KCNA3: variants seen among roughly 807,000 people sequenced by gnomAD.
KCNA3 encodes the protein RP11-284N8.3.
A neutral mutation model predicts 34.3 loss-of-function variants in KCNA3; 18 were observed. That is an observed-to-expected ratio of 0.52 (90% CI 0.36 to 0.78). The LOEUF is 0.78. Ranked by LOEUF, KCNA3 falls within the 30% of genes least tolerant of loss-of-function variation. The pLI, the probability that KCNA3 is intolerant of heterozygous loss-of-function variation, is 0.00. For missense variants in KCNA3, 587 were observed against 802.5 expected, an observed-to-expected ratio of 0.73 and a Z score of 3.24; for synonymous variants, 324 against 351.7, an observed-to-expected ratio of 0.92 and a Z score of 0.88.
downstream of KCNA3, among the ~76,000 whole-genome samples, chr1:110,670,327 A>G (rs938008960): frequency 3.3e-5 from 5 of 152,214 alleles, no homozygotes; most frequent in African/African-American, 1.2e-4. Flanking sequence ...AAGCAATCAT[A>G]TTACCTCAAA....
chr1:110,657,336 C>T, the KCNA3 span, among the ~76,000 whole-genome samples: 1 of 152,186 alleles, frequency 6.6e-6, no homozygotes, highest in Non-Finnish European at 1.5e-5. Flanking sequence ...CATGAGCCAC[C>T]GCACCCGGCC....
rs1651929999 is a variant in KCNA3 at position 110,672,634 on chromosome 1, T to G, written c.*448A>C. On this transcript the variant is annotated 3_prime_UTR_variant, in exon 1 of 1. Transcript: ENST00000369769. Reference sequence around the variant, plus strand: ...CTACAGGGTAGGCAACCGAAATACATATTCAATAAATAACGTTGAAAGGTC... The same window carrying G: ...CTACAGGGTAGGCAACCGAAATACAGATTCAATAAATAACGTTGAAAGGTC... 1 of 158,482 alleles carries G rather than the reference T, an allele frequency of 6.3e-6. No homozygotes were observed. Among genetic ancestry groups the G allele is most frequent in the Non-Finnish European group, 1.4e-5 (1 of 72,052 alleles). 9.8% of individuals were successfully genotyped at this position (158,482 alleles called of 1,614,324 possible).
Position 110,673,909 on chromosome 1 carries a change from G to A in KCNA3, c.901C>T (p.Leu301=). ...FSDPFFVVET[L]CIIWFSFELL... ...TCGAAGGAGAACCAGATGATGCACA[G>A]CGTCTCCACCACGAAGAAGGGATCG... is the stretch of plus-strand genomic sequence containing the variant. Residue 301 remains leucine, a synonymous_variant, in exon 1 of 1, where the codon CTG becomes TTG. Coordinates refer to ENST00000369769, the MANE Select transcript of KCNA3 (RefSeq NM_002232.5). This position sits in a 1 kb window ranked among gnomAD's most constrained non-coding sequence, Gnocchi z 8.8. 6.2e-7 allele frequency: 1 copy of A among 1,614,180 alleles called. No homozygotes were observed. The highest frequency in any genetic ancestry group is 8.5e-7 in the Non-Finnish European group (1 of 1,180,030).
Position 110,673,087 on chromosome 1 carries a change from C to A in KCNA3, c.1723G>T (p.Val575Phe). The A allele has an allele frequency of 6.2e-7, 1 of 1,607,268 alleles. No homozygotes were observed. The highest frequency in any genetic ancestry group is 8.5e-7 in the Non-Finnish European group (1 of 1,176,470). ...CVNIKKIFTD[V>F] is the part of the protein sequence containing the mutation. Reference sequence around the variant, plus strand: ...CATGTCACTTGTATCACATATTAAACATCGGTGAATATCTTTTTGATGTTG... The same window carrying A: ...CATGTCACTTGTATCACATATTAAAAATCGGTGAATATCTTTTTGATGTTG... Residue 575 changes from valine (V) to phenylalanine (F), a missense_variant, in exon 1 of 1, where the codon GTT (valine) becomes TTT (phenylalanine). Around this residue, in one of 7 missense-constraint regions of KCNA3, gnomAD observed 95 missense variants for 107.3 expected, o/e 0.89. Coordinates refer to ENST00000369769, the MANE Select transcript of KCNA3 (RefSeq NM_002232.5). This position sits in a 1 kb window ranked among gnomAD's most constrained non-coding sequence, Gnocchi z 8.8.
chr1:110,669,650 C>T (rs1013707518), downstream of KCNA3, among the ~76,000 whole-genome samples: 3 of 152,084 alleles, frequency 2.0e-5, no homozygotes, highest in Non-Finnish European at 4.4e-5. Context: ...GGTTTCAGAG[C>T]CAGAATAACC....
At chr1:110,666,020 T>G in the KCNA3 span, among the ~76,000 whole-genome samples, 2 of 152,128 alleles carry the variant, frequency 1.3e-5, no homozygotes, top group Non-Finnish European at 2.9e-5. Flanking sequence ...CCCACTCTCA[T>G]GGAAGAAACA....
At chr1:110,654,305 G>A in the KCNA3 span, 1 of 152,004 alleles carries the variant, frequency 6.6e-6, no homozygotes, top group East Asian at 1.9e-4. Context: ...TAAAATAAAG[G>A]CAGTTTTTCT....
In KCNA3 at chr1:110,674,304, A is replaced by C; in HGVS notation, c.506T>G (p.Ile169Ser). 1 of 1,614,080 alleles carries C rather than the reference A, an allele frequency of 6.2e-7. No individual in the cohort carries two copies. Among genetic ancestry groups the C allele is most frequent in the Non-Finnish European group, 8.5e-7 (1 of 1,179,994 alleles). The change falls in exon 1 of 1, where the codon ATC becomes AGC. Residue 169 changes from isoleucine (I) to serine (S), a missense_variant. By Grantham distance (142) the Ile-to-Ser change is moderately radical. Around this residue, in one of 7 missense-constraint regions of KCNA3, gnomAD observed 341 missense variants for 355.4 expected, o/e 0.96. Transcript: ENST00000369769. The surrounding 1 kb of genome is among the most constrained non-coding windows in gnomAD (Gnocchi z 6.4). ...GATGGGCACGTTGACCGGCCGGCGG[A>C]TGCGGCCCCCGGACTGATAGTAGTA... is the stretch of plus-strand genomic sequence containing the variant. The part of the protein sequence containing the change: ...ILYYYQSGGR[I>S]RRPVNVPIDI...
chr1:110,665,451 C>A, the KCNA3 span, among the ~76,000 whole-genome samples: 1 of 152,116 alleles, frequency 6.6e-6, no homozygotes, highest in Non-Finnish European at 1.5e-5. Context: ...AAAATTGAAG[C>A]TGCCAGTAGT....
chr1:110,674,892 C>A lies in KCNA3; in HGVS notation c.-83G>T. On this transcript the variant is annotated 5_prime_UTR_variant, in exon 1 of 1. Coordinates refer to ENST00000369769, the MANE Select transcript of KCNA3 (RefSeq NM_002232.5). This position sits in a 1 kb window ranked among gnomAD's most constrained non-coding sequence, Gnocchi z 6.4. ...CCTTTCGCCGCCTCCGCCCCCGAGC[C>A]GAGCCCACCGCCTGTTGCAGCCAAA... The A allele has an allele frequency of 4.7e-6, 6 of 1,267,486 alleles. No individual in the cohort carries two copies. Among genetic ancestry groups the A allele is most frequent in the Non-Finnish European group, 5.9e-6 (6 of 1,009,084 alleles). 78.5% of individuals were successfully genotyped at this position (1,267,486 alleles called of 1,614,324 possible).
the KCNA3 span, among the ~76,000 whole-genome samples, chr1:110,659,360 C>T: frequency 6.6e-6 from 1 of 152,178 alleles, no homozygotes; most frequent in African/African-American, 2.4e-5. Flanking sequence ...TATATGCACG[C>T]ATTATGAAGC....
the KCNA3 span, among the ~76,000 whole-genome samples, chr1:110,661,989 T>C: frequency 2.0e-5 from 3 of 151,386 alleles, no homozygotes; most frequent in African/African-American, 4.8e-5. Context: ...GGCGGGCGCC[T>C]GTAGTCACAG....
At position 110,673,218 on chromosome 1, in the gene KCNA3, A is replaced by G. The variant is rs776785948; in HGVS notation, c.1592T>C (p.Val531Ala). Residue 531 changes from valine (V) to alanine (A), a missense_variant, in exon 1 of 1, where the codon GTG becomes GCG. Transcript: ENST00000369769. The surrounding 1 kb of genome is among the most constrained non-coding windows in gnomAD (Gnocchi z 8.8). ...NSTLSKSEYM[V>A]IEEGGMNHSA... is the part of the protein sequence containing the mutation. Reference sequence around the variant, plus strand: ...ATGGTTCATACCCCCCTCTTCGATCACCATATACTCCGACTTACTCAGAGT... The same window carrying G: ...ATGGTTCATACCCCCCTCTTCGATCGCCATATACTCCGACTTACTCAGAGT... 1.2e-6 allele frequency: 2 copies of G among 1,614,088 alleles called. No individual in the cohort carries two copies. The highest frequency in any genetic ancestry group is 4.5e-5 in the East Asian group (2 of 44,878).
the KCNA3 span, among the ~76,000 whole-genome samples, chr1:110,664,257 C>T: frequency 3.3e-5 from 5 of 152,182 alleles, no homozygotes; most frequent in African/African-American, 7.2e-5. Flanking sequence ...ATTAAAAGCA[C>T]TCTATCAGCT....
chr1:110,659,666 G>A, the KCNA3 span, among the ~76,000 whole-genome samples: 1 of 152,074 alleles, frequency 6.6e-6, no homozygotes, highest in Non-Finnish European at 1.5e-5. Context: ...AATAGAAAAT[G>A]TTCCATTCAT....
downstream of KCNA3, among the ~76,000 whole-genome samples, chr1:110,671,205 C>T (rs978150200): frequency 6.6e-6 from 1 of 152,044 alleles, no homozygotes; most frequent in Admixed American, 6.6e-5. Flanking sequence ...GTAAAAGGAA[C>T]GGAATAATTT....
chr1:110,657,121 A>G, the KCNA3 span: 1 of 143,658 alleles, frequency 7.0e-6, no homozygotes, highest in Non-Finnish European at 1.5e-5. Context: ...ATCTTGGCTC[A>G]CCGCAACCTC....
Position 110,673,438 on chromosome 1 carries a change from TG to T in KCNA3, c.1371del (p.Lys458ArgfsTer13), listed in dbSNP as rs1651960776. On this transcript the variant is annotated frameshift_variant, in exon 1 of 1. Coordinates refer to ENST00000369769, the MANE Select transcript of KCNA3 (RefSeq NM_002232.5). LOFTEE classifies it high-confidence loss of function. This position sits in a 1 kb window ranked among gnomAD's most constrained non-coding sequence, Gnocchi z 8.8. ...ATGGCACAGAGAGATCCCACAATCT[TG>T]CCCCCTATGGTCACTGGGTGCATAT... is the stretch of plus-strand genomic sequence containing the variant. ...YGDMHPVTIG[G>X]KIVGSLCAIA... 6.2e-7 allele frequency: 1 copy of T among 1,614,146 alleles called. No individual in the cohort carries two copies. Among genetic ancestry groups the T allele is most frequent in the Non-Finnish European group, 8.5e-7 (1 of 1,180,030 alleles).
the KCNA3 span, chr1:110,656,139 G>T: frequency 6.6e-6 from 1 of 152,082 alleles, no homozygotes; most frequent in Non-Finnish European, 1.5e-5. Context: ...ATCTGCTACA[G>T]TTCATCGATA....
Sources: gnomAD v4.1 joint callset for allele counts (sites outside exome capture counted in the v4.1 genomes callset) on GRCh38, gnomAD v4.1.1 for gene constraint, gnomAD v4.1.1 regional missense constraint, Gnocchi (gnomAD v3.1) non-coding constraint, MANE v1.5 for transcripts, NCBI Gene and HGNC (gene_info 2026-07-23, HGNC 2026-07-21) for gene names.